Variants in IL21R observed in about 807,000 individuals in gnomAD.
IL21R encodes interleukin-21 receptor.
In IL21R, 14 loss-of-function variants were observed where a neutral mutation model predicts 41.3. The ratio of observed to expected loss-of-function variants is 0.34; its 90% CI spans 0.22 to 0.53. The LOEUF (loss-of-function observed/expected upper bound fraction) is 0.53, where lower values mean the gene tolerates loss of function less well. Among genes scored for constraint, IL21R ranks in the 20% least tolerant of loss-of-function variants. The pLI, the probability that IL21R is intolerant of heterozygous loss-of-function variation, is 0.94. For missense variants in IL21R, 588 were observed against 681.6 expected (o/e 0.86, Z 1.53); for synonymous variants, 286 against 287.6 (o/e 0.99, Z 0.05).
chr16:27,422,978 T>C (rs887004401), intron 1 of IL21R, among the ~76,000 whole-genome samples: 5 of 152,214 alleles, frequency 3.3e-5, no homozygotes, highest in Non-Finnish European at 4.4e-5. Flanking sequence ...TAGTATTTTC[T>C]AAATAGCTGG....
chr16:27,448,226 G>A (rs879427197), intron 8 of IL21R: 1 of 294,752 alleles, frequency 3.4e-6, no homozygotes, highest in African/African-American at 2.2e-5. Flanking sequence ...AGGCTGAGGC[G>A]GGTGGATCAC....
intron 5 of IL21R, chr16:27,443,917 A>G (rs1001579892): frequency 5.9e-5 from 9 of 152,064 alleles, no homozygotes; most frequent in African/African-American, 2.2e-4. Context: ...AATAGTAACA[A>G]TGATAGAACA....
chr16:27,419,171 G>T (rs1271374832), intron 1 of IL21R, among the ~76,000 whole-genome samples: 3 of 152,088 alleles, frequency 2.0e-5, no homozygotes, highest in African/African-American at 7.2e-5. Context: ...TTGCACTCCA[G>T]CCTAGGCAAC....
chr16:27,446,220 C>T, intron 8 of IL21R, 132 bp downstream of exon 8: 1 of 613,760 alleles, frequency 1.6e-6, no homozygotes, highest in Non-Finnish European at 2.8e-6. Flanking sequence ...AAGCCACAAG[C>T]CAGGCCTCAG....
intron 1 of IL21R, among the ~76,000 whole-genome samples, chr16:27,413,237 C>T (rs1010883888): frequency 5.9e-5 from 9 of 151,876 alleles, no homozygotes; most frequent in African/African-American, 2.2e-4. Context: ...GATTTTTGTC[C>T]TTCTTTGTGT....
Position 27,443,085 on chromosome 16 carries a change from AG to A in IL21R, c.477del (p.Gln159HisfsTer11). 1 of 1,613,884 alleles carries A rather than the reference AG, an allele frequency of 6.2e-7. No individual in the cohort carries two copies. The highest frequency in any genetic ancestry group is 8.5e-7 in the Non-Finnish European group (1 of 1,179,890). On this transcript the variant is annotated frameshift_variant, in exon 5 of 9. Coordinates refer to ENST00000337929, the MANE Select transcript of IL21R (RefSeq NM_181078.3). LOFTEE classifies it high-confidence loss of function. ...MLKGKLQYEL[Q>X]YRNRGDPWAV... ...AAGGGCAAGCTTCAGTATGAGCTGC[AG>A]TACAGGAACCGGGGAGACCCCTGGG...
At chr16:27,417,242 G>A (rs1250141201) in intron 1 of IL21R, among the ~76,000 whole-genome samples, 3 of 145,186 alleles carry the variant, frequency 2.1e-5, no homozygotes, top group Non-Finnish European at 4.5e-5. Flanking sequence ...GCTCACTGTA[G>A]CCTCAAACTC....
In IL21R at chr16:27,449,088, A is replaced by C. The variant is rs2087541277; in HGVS notation, c.1422A>C (p.Ser474=). ...GTGGCCGGTCACCTGGAGGGGTCTC[A>C]GAGAGTGAGGCGGGCTCACCCCTGG... ...PWGGRSPGGV[S]ESEAGSPLAG... The change falls in exon 9 of 9, where the codon TCA becomes TCC. Residue 474 remains serine, a synonymous_variant. Transcript: ENST00000337929. The C allele has an allele frequency of 1.2e-6, 2 of 1,613,504 alleles. No homozygotes were observed. The highest frequency in any genetic ancestry group is 1.7e-6 in the Non-Finnish European group (2 of 1,179,958).
At chr16:27,424,130 A>C (rs1319226335) in intron 1 of IL21R, among the ~76,000 whole-genome samples, 2 of 151,928 alleles carry the variant, frequency 1.3e-5, no homozygotes, top group Non-Finnish European at 2.9e-5. Flanking sequence ...GCTGGAGTGC[A>C]GTGGTGCAAT....
intron 3 of IL21R, among the ~76,000 whole-genome samples, chr16:27,436,315 A>G (rs1216893693): frequency 6.6e-6 from 1 of 152,236 alleles, no homozygotes; most frequent in Non-Finnish European, 1.5e-5. Flanking sequence ...TGCTAGTGAG[A>G]AGGAGGAAGC....
chr16:27,416,229 C>T (rs556802803), intron 1 of IL21R, among the ~76,000 whole-genome samples: 24 of 152,260 alleles, frequency 1.6e-4, no homozygotes, highest in South Asian at 1.2e-3. Flanking sequence ...CTCCACCTTC[C>T]GGATTCAAGC....
chr16:27,416,885 T>G (rs2086899293), intron 1 of IL21R, among the ~76,000 whole-genome samples: 1 of 152,248 alleles, frequency 6.6e-6, no homozygotes, highest in Non-Finnish European at 1.5e-5. Context: ...TGAGGCCTTT[T>G]GTGTCTGGTG....
intron 3 of IL21R, among the ~76,000 whole-genome samples, chr16:27,436,216 C>T (rs1368116413): frequency 1.3e-5 from 2 of 152,348 alleles, no homozygotes; most frequent in East Asian, 1.9e-4. Flanking sequence ...CATAAGCCAC[C>T]GTGTTCTGCC....
At chr16:27,416,381 AC>A (rs1468853746) in intron 1 of IL21R, among the ~76,000 whole-genome samples, 1 of 151,994 alleles carries the variant, frequency 6.6e-6, no homozygotes, top group Non-Finnish European at 1.5e-5. Flanking sequence ...CAGGTCATCC[AC>A]CCACCTAGGC....
chr16:27,442,202 T>C (rs2087399670), intron 4 of IL21R, among the ~76,000 whole-genome samples: 2 of 151,944 alleles, frequency 1.3e-5, no homozygotes, highest in South Asian at 4.2e-4. Flanking sequence ...AGGCATGCGT[T>C]TGGGTGTGCA....
In IL21R at chr16:27,448,807, G is replaced by A. The variant is rs1399733420; in HGVS notation, c.1141G>A (p.Val381Met). 1 of 1,613,474 alleles carries A rather than the reference G, an allele frequency of 6.2e-7. No individual in the cohort carries two copies. Among genetic ancestry groups the A allele is most frequent in the Non-Finnish European group, 8.5e-7 (1 of 1,180,036 alleles). The stretch of plus-strand genomic sequence containing the variant: ...CCTGGTGTCCATTGACACAGTGACT[G>A]TGCTAGATGCAGAGGGGCCATGCAC... ...YGLVSIDTVT[V>M]LDAEGPCTWP... Residue 381 changes from valine (V) to methionine (M), a missense_variant, in exon 9 of 9, where the codon GTG (valine) becomes ATG (methionine). Transcript: ENST00000337929.
intron 1 of IL21R, among the ~76,000 whole-genome samples, chr16:27,408,496 A>T (rs2086781217): frequency 6.6e-6 from 1 of 152,160 alleles, no homozygotes; most frequent in Non-Finnish European, 1.5e-5. Flanking sequence ...ACACGGTTGG[A>T]GTAAGAATGG....
chr16:27,441,112 A>AAAGG (rs934090483), intron 4 of IL21R, among the ~76,000 whole-genome samples: 3 of 150,988 alleles, frequency 2.0e-5, no homozygotes, highest in African/African-American at 7.3e-5. Context: ...AAGGAGGGAG[A>AAAGG]AAGGAAGGAA....
rs2087564768 is a variant in IL21R, at chr16:27,450,095, CG to C, written c.*815del. 1 of 232,640 alleles carries C rather than the reference CG, an allele frequency of 4.3e-6. No individual in the cohort carries two copies. Among genetic ancestry groups the C allele is most frequent in the Non-Finnish European group, 8.5e-6 (1 of 117,674 alleles). 14.4% of individuals were successfully genotyped at this position (232,640 alleles called of 1,614,324 possible). ...CTTCCTTCTGCGGCCAGAGCCGAGG[CG>C]GGCGGGGGTGAGAACATCAATCGTC... On this transcript the variant is annotated 3_prime_UTR_variant, in exon 9 of 9. Transcript: ENST00000337929.
Sources: allele counts gnomAD v4.1 joint callset (sites outside exome capture counted in the v4.1 genomes callset), GRCh38; gene constraint gnomAD v4.1.1; transcripts MANE v1.5; gene names NCBI Gene and HGNC (gene_info 2026-07-23, HGNC 2026-07-21).